The following ARVCF variants were observed in gnomAD, a reference collection of about 807,000 sequenced individuals.
The protein encoded by ARVCF is ARVCF delta catenin family member.
A neutral mutation model predicts 90.9 loss-of-function variants in ARVCF; 66 were observed. The ratio of observed to expected loss-of-function variants is 0.73; its 90% CI spans 0.60 to 0.89. The LOEUF (loss-of-function observed/expected upper bound fraction) is 0.89, where lower values mean the gene tolerates loss of function less well. ARVCF is among the 40% of genes least tolerant of loss of function. The pLI is 0.00. For missense variants in ARVCF, 1,469 were observed against 1,382.3 expected, an observed-to-expected ratio of 1.06 and a Z score of -1.00; for synonymous variants, 653 against 603.4, an observed-to-expected ratio of 1.08 and a Z score of -1.21.
chr22:19,973,153 C>A lies in ARVCF; in HGVS notation c.2404G>T (p.Gly802Trp). ...ACGAGAGCCACCAACGCTGGCACCC[C>A]GCGTGCCTGCAGGAGCGAGCGCGCG... ...DNARSLLQARGVPALVALVAS... is the reference protein window; with the variant it reads ...DNARSLLQARWVPALVALVAS... Residue 802 changes from glycine to tryptophan, a missense_variant, in exon 14 of 20, where the codon GGG becomes TGG. Physicochemically the swap from Gly to Trp is radical, Grantham distance 184. Transcript: ENST00000263207. The A allele has an allele frequency of 6.2e-7, 1 of 1,609,678 alleles. No individual in the cohort carries two copies. The highest frequency in any genetic ancestry group is 8.5e-7 in the Non-Finnish European group (1 of 1,178,736).
chr22:19,994,152 T>A (rs375646899), intron 2 of ARVCF, among the ~76,000 whole-genome samples: 2 of 150,520 alleles, frequency 1.3e-5, no homozygotes, highest in South Asian at 2.1e-4. Context: ...GGGGCAGTGG[T>A]GGAGGATGGA....
chr22:19,973,861 C>G, intron 12 of ARVCF, 68 bp from the exon 13 acceptor site: 1 of 1,550,926 alleles, frequency 6.4e-7, no homozygotes, highest in South Asian at 1.2e-5. Flanking sequence ...AGACGCTGAC[C>G]GCTCTCTCCA....
chr22:19,978,844 C>T (rs968069668), intron 7 of ARVCF, 53 bp downstream of exon 7: 137 of 1,562,208 alleles, frequency 8.8e-5, no homozygotes, highest in Admixed American at 1.2e-4. Flanking sequence ...TCTGGGACCA[C>T]GAGGACGGGG....
intron 3 of ARVCF, chr22:19,987,276 G>A (rs1943840129): frequency 6.7e-6 from 2 of 297,418 alleles, no homozygotes; most frequent in South Asian, 3.2e-4. Context: ...GGGCGTGGCG[G>A]GGGCCGGGGT....
intron 10 of ARVCF, among the ~76,000 whole-genome samples, 178 bp from the exon 11 acceptor site, chr22:19,975,935 G>A (rs901018445): frequency 6.6e-6 from 1 of 152,126 alleles, no homozygotes; most frequent in Admixed American, 6.5e-5. Flanking sequence ...TTAGCCTAGG[G>A]GTAGGAGTTG....
chr22:19,987,537 A>T (rs1171120512), intron 3 of ARVCF, among the ~76,000 whole-genome samples: 1 of 152,054 alleles, frequency 6.6e-6, no homozygotes, highest in Admixed American at 6.5e-5. Flanking sequence ...GTCCGCCTGC[A>T]AAGGGGGAAA....
At chr22:20,004,226 A>G (rs1211533655) in intron 2 of ARVCF, among the ~76,000 whole-genome samples, 1 of 152,202 alleles carries the variant, frequency 6.6e-6, no homozygotes, top group Non-Finnish European at 1.5e-5. Context: ...AAAAGACCTA[A>G]ATCAGTGGAA....
In ARVCF at chr22:19,970,191, T is replaced by G; in HGVS notation, c.*565A>C. 1.0e-6 allele frequency: 1 copy of G among 989,210 alleles called. No homozygotes were observed. Among genetic ancestry groups the G allele is most frequent in the Non-Finnish European group, 1.2e-6 (1 of 832,198 alleles). The allele number at this position is 989,210 out of a possible 1,614,324, so 61.3% of individuals were successfully genotyped here. ...GGGCTCTGGGGAGGTGGGGCACCTG[T>G]AGCCTGACCCCCACCTTGCTGCTTC... is the stretch of plus-strand genomic sequence containing the variant. On this transcript the variant is annotated 3_prime_UTR_variant, in exon 20 of 20. Transcript: ENST00000263207.
chr22:20,010,066 C>T (rs774878317), intron 2 of ARVCF, among the ~76,000 whole-genome samples: 5 of 152,202 alleles, frequency 3.3e-5, no homozygotes, highest in African/African-American at 7.2e-5. Context: ...AAGCGAATGG[C>T]CTGGCCCAGC....
At chr22:19,998,895 AGCCTCC>A (rs1309064766) in intron 2 of ARVCF, among the ~76,000 whole-genome samples, 1 of 152,184 alleles carries the variant, frequency 6.6e-6, no homozygotes, top group Non-Finnish European at 1.5e-5. Flanking sequence ...CTCAAGCCTC[AGCCTCC>A]GTCTTCACCT....
chr22:19,996,910 C>G (rs1015262898), intron 2 of ARVCF, among the ~76,000 whole-genome samples: 1 of 152,222 alleles, frequency 6.6e-6, no homozygotes, highest in Non-Finnish European at 1.5e-5. Context: ...GGTAGAGGGA[C>G]AGAGATAGCT....
At position 19,979,934 on chromosome 22, in the gene ARVCF, A is replaced by G; in HGVS notation, c.1205T>C (p.Leu402Pro). The change falls in exon 6 of 20, where the codon CTG becomes CCG. Residue 402 changes from leucine to proline, a missense_variant. Physicochemically the swap from Leu to Pro is moderately conservative, Grantham distance 98. Coordinates refer to ENST00000263207, the MANE Select transcript of ARVCF (RefSeq NM_001670.3). ...VKRRVRQLRG[L>P]PLLVALLDHP... ...GTCCAGCAGTGCCACAAGCAGCGGC[A>G]GCCCCCGCAACTGCCGTACACGCCG... is the stretch of plus-strand genomic sequence containing the variant. 1 of 1,595,284 alleles carries G rather than the reference A, an allele frequency of 6.3e-7. No homozygotes were observed. The highest frequency in any genetic ancestry group is 8.5e-7 in the Non-Finnish European group (1 of 1,171,692).
In ARVCF at chr22:19,976,731, GC is replaced by G; in HGVS notation, c.1871-9del. 6.4e-7 allele frequency: 1 copy of G among 1,560,214 alleles called. No individual in the cohort carries two copies. Among genetic ancestry groups the G allele is most frequent in the Non-Finnish European group, 8.7e-7 (1 of 1,151,728 alleles). Reference sequence around the variant, plus strand: ...CTTGGTGGAACCACTCCTCTGGGAGGCCGGAGGAAGCAGAGGAGAGAGGAGA... The same window carrying G: ...CTTGGTGGAACCACTCCTCTGGGAGGCGGAGGAAGCAGAGGAGAGAGGAGA... On this transcript the variant is annotated splice_polypyrimidine_tract_variant and intron_variant, in intron 9 of 19. Coordinates refer to ENST00000263207, the MANE Select transcript of ARVCF (RefSeq NM_001670.3).
chr22:19,978,078 G>C lies in ARVCF; in HGVS notation c.1581-3C>G. ...CAGCACCATCGGAGCTCACATTCCT[G>C]TGTGGCCAAGAGCAGGCCAGGTGAC... On this transcript the variant is annotated splice_polypyrimidine_tract_variant and splice_region_variant and intron_variant, in intron 7 of 19. Transcript: ENST00000263207. The C allele has an allele frequency of 6.2e-7, 1 of 1,602,234 alleles. No homozygotes were observed. The highest frequency in any genetic ancestry group is 8.5e-7 in the Non-Finnish European group (1 of 1,174,578).
At chr22:19,977,099 C>A (rs1943199200) in intron 9 of ARVCF, among the ~76,000 whole-genome samples, 1 of 152,226 alleles carries the variant, frequency 6.6e-6, no homozygotes, top group African/African-American at 2.4e-5. Context: ...CAGGCAGCAG[C>A]CATGGCTCCT....
At position 19,979,802 on chromosome 22, in the gene ARVCF, G is replaced by A; in HGVS notation, c.1337C>T (p.Pro446Leu). ...KAAIRDCGGV[P>L]ALVRLLRAAR... is the part of the protein sequence containing the mutation. ...AGCCCTCAGCAGGCGCACCAGGGCA[G>A]GCACACCACCGCAGTCCCGGATGGC... The change falls in exon 6 of 20, where the codon CCT becomes CTT. Residue 446 changes from proline to leucine, a missense_variant. Transcript: ENST00000263207. The A allele has an allele frequency of 6.2e-7, 1 of 1,609,144 alleles. No homozygotes were observed. The highest frequency in any genetic ancestry group is 8.5e-7 in the Non-Finnish European group (1 of 1,178,414).
At chr22:19,978,204 G>A in intron 7 of ARVCF, 129 bp from the exon 8 acceptor site, 1 of 757,030 alleles carries the variant, frequency 1.3e-6, no homozygotes, top group Non-Finnish European at 2.0e-6. Flanking sequence ...TAATGGGAAA[G>A]GACCCCACAG....
At chr22:20,001,515 A>G (rs527289193) in intron 2 of ARVCF, among the ~76,000 whole-genome samples, 1 of 152,304 alleles carries the variant, frequency 6.6e-6, no homozygotes, top group African/African-American at 2.4e-5. Flanking sequence ...AATGAAAAGG[A>G]GCTGCTGGCT....
chr22:19,973,392 CGA>C (rs1388458827), intron 13 of ARVCF, 75 bp from the exon 14 acceptor site: 1 of 1,485,642 alleles, frequency 6.7e-7, no homozygotes, highest in African/African-American at 1.4e-5. Context: ...CCCGCGAGGG[CGA>C]GGGGCACTGC....
Sources: allele counts gnomAD v4.1 joint callset (sites outside exome capture counted in the v4.1 genomes callset), GRCh38; gene constraint gnomAD v4.1.1; transcripts MANE v1.5; gene names NCBI Gene and HGNC (gene_info 2026-07-23, HGNC 2026-07-21).